The following MPP2 variants were observed in gnomAD, a reference collection of about 807,000 sequenced individuals.
MPP2 encodes MAGUK p55 scaffold protein 2.
MPP2 carries 42 observed loss-of-function variants against 58.5 expected under a neutral mutation model. That is an observed-to-expected ratio of 0.72 (90% CI 0.56 to 0.93). MPP2 has a LOEUF of 0.93. MPP2 is among the 40% of genes least tolerant of loss of function. The pLI, the probability that MPP2 is intolerant of heterozygous loss-of-function variation, is 0.00. For synonymous variants in MPP2, 300 were observed against 307.8 expected (o/e 0.97, Z 0.26); for missense variants, 632 against 760.4 (o/e 0.83, Z 1.99).
chr17:43,884,187 C>A (rs1273370823), intron 3 of MPP2: 24 of 701,710 alleles, frequency 3.4e-5, no homozygotes, highest in Non-Finnish European at 5.7e-5. Context: ...TTCATTAATA[C>A]ATTATGTAAG....
At chr17:43,906,457 T>C (rs977938332) in intron 1 of MPP2, among the ~76,000 whole-genome samples, 1 of 152,160 alleles carries the variant, frequency 6.6e-6, no homozygotes, top group Admixed American at 6.5e-5. Context: ...GCCTCCGAGA[T>C]ATCCACATCA....
At chr17:43,892,413 T>C (rs578170287) in intron 3 of MPP2, among the ~76,000 whole-genome samples, 53 of 152,292 alleles carry the variant, frequency 3.5e-4, no homozygotes, top group African/African-American at 1.2e-3. Context: ...ATGATTAAAA[T>C]TGGTGAGAAG....
In MPP2 at chr17:43,882,913, C is replaced by T; in HGVS notation, c.443G>A (p.Gly148Glu). ...VRMVGIRKTA[G>E]EHLGVTFRVE... Reference sequence around the variant, plus strand: ...CTGCCCAGTCCTCACCAGATGTTCTCCGGCTGTCTTGCGGATGCCCACCAT... The same window carrying T: ...CTGCCCAGTCCTCACCAGATGTTCTTCGGCTGTCTTGCGGATGCCCACCAT... Residue 148 changes from glycine to glutamate, a missense_variant, in exon 5 of 13, where the codon GGA (glycine) becomes GAA (glutamate). Transcript: ENST00000269095. 6.2e-7 allele frequency: 1 copy of T among 1,614,122 alleles called. No homozygotes were observed. The highest frequency in any genetic ancestry group is 8.5e-7 in the Non-Finnish European group (1 of 1,180,036).
intron 3 of MPP2, among the ~76,000 whole-genome samples, chr17:43,891,614 G>A (rs145675069): frequency 1.3e-5 from 2 of 151,880 alleles, no homozygotes; most frequent in East Asian, 3.9e-4. Context: ...GAAATAACTG[G>A]GCTGGGCATG....
intron 3 of MPP2, among the ~76,000 whole-genome samples, chr17:43,894,440 TATATACACACACAC>T (rs71160065): frequency 0.22 from 5,246 of 23,408 alleles, 415 homozygotes; most frequent in African/African-American, 0.4. Context: ...TATATATATA[TATATACACACACAC>T]ACACACACAA....
Position 43,882,370 on chromosome 17 carries a change from C to T in MPP2, c.595G>A (p.Ala199Thr), listed in dbSNP as rs1255356198. Residue 199 changes from alanine to threonine, a missense_variant, in exon 6 of 13, where the codon GCA becomes ACA. Physicochemically the swap from Ala to Thr is moderately conservative, Grantham distance 58. Coordinates refer to ENST00000269095, the MANE Select transcript of MPP2 (RefSeq NM_005374.5). ...GCATTGCGCAGGAGCTCCTGCAGTGCGCGGGGGTCACTGCCCACTGGCTGC... is the reference window on the plus strand; with the variant it reads ...GCATTGCGCAGGAGCTCCTGCAGTGTGCGGGGGTCACTGCCCACTGGCTGC... ...NGQPVGSDPR[A>T]LQELLRNASG... 1.4e-5 allele frequency: 22 copies of T among 1,612,332 alleles called. No homozygotes were observed. Among genetic ancestry groups the T allele is most frequent in the South Asian group, 3.3e-5 (3 of 91,084 alleles).
intron 6 of MPP2, among the ~76,000 whole-genome samples, chr17:43,881,812 C>A (rs2047137639): frequency 6.6e-6 from 1 of 152,144 alleles, no homozygotes; most frequent in South Asian, 2.1e-4. Context: ...GCGGGACCAC[C>A]AAGTAGGGCA....
Position 43,882,414 on chromosome 17 carries a change from A to T in MPP2, c.551T>A (p.Ile184Asn), listed in dbSNP as rs778924461. Reference sequence around the variant, plus strand: ...TGGCTGCCCGTTCACCTCCTTGATGATGTCACCCACATGCAGCAGGCCTTG... The same window carrying T: ...TGGCTGCCCGTTCACCTCCTTGATGTTGTCACCCACATGCAGCAGGCCTTG... ...AQQGLLHVGDIIKEVNGQPVG... is the reference protein window; with the variant it reads ...AQQGLLHVGDNIKEVNGQPVG... Residue 184 changes from isoleucine (I) to asparagine (N), a missense_variant, in exon 6 of 13, where the codon ATC (isoleucine) becomes AAC (asparagine). Transcript: ENST00000269095. The T allele has an allele frequency of 2.5e-6, 4 of 1,611,102 alleles. No individual in the cohort carries two copies. Among genetic ancestry groups the T allele is most frequent in the Non-Finnish European group, 3.4e-6 (4 of 1,179,968 alleles).
At chr17:43,903,179 G>C (rs1204572788) in intron 2 of MPP2, among the ~76,000 whole-genome samples, 2 of 151,988 alleles carry the variant, frequency 1.3e-5, no homozygotes, top group African/African-American at 4.8e-5. Flanking sequence ...GGGAGGCTGA[G>C]GCAGGAGAAT....
In MPP2 at chr17:43,877,796, G is replaced by C. The variant is rs767092992; in HGVS notation, c.*11C>G. 6.2e-7 allele frequency: 1 copy of C among 1,609,876 alleles called. No homozygotes were observed. The highest frequency in any genetic ancestry group is 8.5e-7 in the Non-Finnish European group (1 of 1,176,620). On this transcript the variant is annotated 3_prime_UTR_variant, in exon 13 of 13. Coordinates refer to ENST00000269095, the MANE Select transcript of MPP2 (RefSeq NM_005374.5). ...TCAACACAGAGTGAGCCAAAGACCA[G>C]GTGAACAGGCTCAGTACACCCAGCT...
intron 1 of MPP2, chr17:43,907,107 G>T (rs1380194870): frequency 2.1e-6 from 2 of 938,778 alleles, no homozygotes; most frequent in African/African-American, 3.6e-5. Flanking sequence ...ACCCCCGGAA[G>T]CGCTAACAGC....
intron 3 of MPP2, among the ~76,000 whole-genome samples, chr17:43,885,448 T>C (rs2047326464): frequency 1.3e-5 from 2 of 152,152 alleles, no homozygotes; most frequent in East Asian, 1.9e-4. Context: ...CAGGAGATAG[T>C]ATTTAGAAAC....
chr17:43,879,783 T>C lies in MPP2; in HGVS notation c.1352A>G (p.Gln451Arg). ...GKVCVLDVNP[Q>R]AVKVLRTAEF... ...TGGGAAGGAGCAGAGTGGCGGTACC[T>C]GGGGGTTGACATCCAGCACGCACAC... is the stretch of plus-strand genomic sequence containing the variant. The change falls in exon 11 of 13, where the codon CAG becomes CGG. Residue 451 changes from glutamine (Q) to arginine (R), a missense_variant and splice_region_variant. Gln to Arg is a conservative substitution (Grantham distance 43). Coordinates refer to ENST00000269095, the MANE Select transcript of MPP2 (RefSeq NM_005374.5). The surrounding 1 kb of genome is among the most constrained non-coding windows in gnomAD (Gnocchi z 4.1). 8 of 1,611,656 alleles carry C rather than the reference T, an allele frequency of 5.0e-6. No individual in the cohort carries two copies. The highest frequency in any genetic ancestry group is 3.4e-6 in the Non-Finnish European group (4 of 1,178,640).
In MPP2 at chr17:43,880,643, G is replaced by A; in HGVS notation, c.1150+48C>T. On this transcript the variant is annotated intron_variant, in intron 10 of 12. Coordinates refer to ENST00000269095, the MANE Select transcript of MPP2 (RefSeq NM_005374.5). This position sits in a 1 kb window ranked among gnomAD's most constrained non-coding sequence, Gnocchi z 5.2. ...GGTGGGCCCAGCCCTGGCCCCAGGG[G>A]AGCCCTGCTCCTTGTCCCCAACTCA... 6.5e-7 allele frequency: 1 copy of A among 1,547,396 alleles called. No individual in the cohort carries two copies. Among genetic ancestry groups the A allele is most frequent in the South Asian group, 1.2e-5 (1 of 81,030 alleles).
In MPP2 at chr17:43,883,038, C is replaced by A. The variant is rs553317360; in HGVS notation, c.318G>T (p.Thr106=). The A allele has an allele frequency of 6.2e-7, 1 of 1,613,186 alleles. No homozygotes were observed. The highest frequency in any genetic ancestry group is 8.5e-7 in the Non-Finnish European group (1 of 1,179,616). ...QEPHFQSLLE[T]HDSVASKTYE... ...AGGTCTTTGAGGCCACAGAGTCGTG[C>A]GTCTCCAGGAGGGACTGGGGGGTGG... The change falls in exon 5 of 13, where the codon ACG becomes ACT. Residue 106 remains threonine, a synonymous_variant. Coordinates refer to ENST00000269095, the MANE Select transcript of MPP2 (RefSeq NM_005374.5).
In MPP2 at chr17:43,883,175, C is replaced by T; in HGVS notation, c.303+28G>A. On this transcript the variant is annotated intron_variant, in intron 4 of 12. Transcript: ENST00000269095. The stretch of plus-strand genomic sequence containing the variant: ...GCCCCAGTCCACCCACCTCCTGCTC[C>T]CTCACCCCAGCCCTAGCAGCCAGGA... 6 of 1,585,066 alleles carry T rather than the reference C, an allele frequency of 3.8e-6. No homozygotes were observed. In the African/African-American group the frequency reaches 4.0e-5, roughly 11 times the overall value.
chr17:43,881,553 G>T lies in MPP2; in HGVS notation c.718C>A (p.Arg240=). The T allele has an allele frequency of 6.2e-7, 1 of 1,614,084 alleles. No homozygotes were observed. The highest frequency in any genetic ancestry group is 8.5e-7 in the Non-Finnish European group (1 of 1,179,988). The stretch of plus-strand genomic sequence containing the variant: ...TCCTTGCAGGGGATGAGGCTGTCTC[G>T]GGCCGGGTCATAGTCAAAGTGACAT... ...VKCHFDYDPA[R]DSLIPCKEAG... is the part of the protein sequence containing the mutation. Residue 240 remains arginine, a synonymous_variant, in exon 7 of 13, where the codon CGA becomes AGA. Coordinates refer to ENST00000269095, the MANE Select transcript of MPP2 (RefSeq NM_005374.5).
chr17:43,904,318 G>C, intron 2 of MPP2, 112 bp downstream of exon 2: 2 of 931,464 alleles, frequency 2.1e-6, no homozygotes, highest in Non-Finnish European at 3.4e-6. Context: ...AGGGTGGACA[G>C]CAGTGGAGCC....
intron 2 of MPP2, chr17:43,901,446 G>A: frequency 2.0e-6 from 2 of 985,522 alleles, no homozygotes; most frequent in Non-Finnish European, 2.4e-6. Context: ...GTGGGCAGAA[G>A]GGAAGGACTC....
Sources: gnomAD v4.1 joint callset for allele counts (sites outside exome capture counted in the v4.1 genomes callset) on GRCh38, gnomAD v4.1.1 for gene constraint, Gnocchi (gnomAD v3.1) non-coding constraint, MANE v1.5 for transcripts, NCBI Gene and HGNC (gene_info 2026-07-23, HGNC 2026-07-21) for gene names.